ARHGAP36: variants seen among roughly 807,000 people sequenced by gnomAD.
ARHGAP36 encodes the protein rho GTPase-activating protein 36.
A neutral mutation model predicts 32.9 loss-of-function variants in ARHGAP36; 7 were observed. The observed-to-expected ratio is 0.21, with a 90% CI of 0.12 to 0.40. ARHGAP36 has a LOEUF of 0.40. Ranked by LOEUF, ARHGAP36 falls within the 10% of genes least tolerant of loss-of-function variation. The pLI, the probability that ARHGAP36 is intolerant of heterozygous loss-of-function variation, is 1.00. For missense variants in ARHGAP36, 383 were observed against 442.2 expected, an observed-to-expected ratio of 0.87 and a Z score of 1.20; for synonymous variants, 165 against 168.3, an observed-to-expected ratio of 0.98 and a Z score of 0.15.
At position 131,081,844 on chromosome X, in the gene ARHGAP36, G is replaced by C. The variant is rs763462042; in HGVS notation, c.179G>C (p.Arg60Pro). The C allele has an allele frequency of 8.3e-7, 1 of 1,212,012 alleles. No homozygotes were observed. The highest frequency in any genetic ancestry group is 3.0e-5 in the East Asian group (1 of 33,846). The change falls in exon 2 of 12, where the codon CGT (arginine) becomes CCT (proline). Residue 60 changes from arginine to proline, a missense_variant. Transcript: ENST00000276211. The part of the protein sequence containing the change: ...VSIHSLSELE[R>P]LKLQETAYHE... Reference sequence around the variant, plus strand: ...ATACACAGCCTCTCTGAGCTGGAGCGTCTGAAGCTGCAAGAGACTGCTTAC... The same window carrying C: ...ATACACAGCCTCTCTGAGCTGGAGCCTCTGAAGCTGCAAGAGACTGCTTAC...
In ARHGAP36 at chrX:131,081,694, C is replaced by G. The variant is rs1304269535; in HGVS notation, c.29C>G (p.Ala10Gly). 2 of 1,207,993 alleles carry G rather than the reference C, an allele frequency of 1.7e-6. No individual in the cohort carries two copies. Among genetic ancestry groups the G allele is most frequent in the Non-Finnish European group, 2.2e-6 (2 of 894,827 alleles). Reference protein sequence around the residue: MGGCIPFLKAARALCPRIMP... With the variant: MGGCIPFLKGARALCPRIMP... Reference sequence around the variant, plus strand: ...GGTGGCTGCATTCCTTTTCTGAAGGCAGCAAGGGCACTGTGCCCCAGAATC... The same window carrying G: ...GGTGGCTGCATTCCTTTTCTGAAGGGAGCAAGGGCACTGTGCCCCAGAATC... Residue 10 changes from alanine to glycine, a missense_variant, in exon 2 of 12, where the codon GCA becomes GGA. Physicochemically the swap from Ala to Gly is moderately conservative, Grantham distance 60. Coordinates refer to ENST00000276211, the MANE Select transcript of ARHGAP36 (RefSeq NM_144967.4).
intron 1 of ARHGAP36, among the ~76,000 whole-genome samples, chrX:131,071,082 G>A (rs763970363): frequency 9.0e-6 from 1 of 111,075 alleles, no homozygotes; most frequent in Non-Finnish European, 1.9e-5. Flanking sequence ...GGTGCTGGTT[G>A]CAGGATGCTG....
intron 11 of ARHGAP36, among the ~76,000 whole-genome samples, chrX:131,087,621 GC>G (rs2079842314): frequency 8.9e-6 from 1 of 111,831 alleles, no homozygotes; most frequent in East Asian, 2.8e-4. Context: ...GGAATTGCAG[GC>G]CCTGAAGAGG....
chrX:131,075,243 C>T (rs1254983702), intron 1 of ARHGAP36, among the ~76,000 whole-genome samples: 1 of 111,959 alleles, frequency 8.9e-6, no homozygotes, highest in Non-Finnish European at 1.9e-5. Flanking sequence ...CACAGCCACA[C>T]TTAATAGGTA....
Position 131,086,625 on chromosome X carries a change from C to T in ARHGAP36, c.1446C>T (p.Ala482=). Residue 482 remains alanine (A), a synonymous_variant, in exon 11 of 12, where the codon GCC becomes GCT. Transcript: ENST00000276211. The part of the protein sequence containing the change: ...LSDPVETSAE[A]RAAVLAQSKP... Reference sequence around the variant, plus strand: ...ATCCAGTGGAAACCTCTGCTGAAGCCCGGGCTGCTGTCCTTGCTCAAAGCA... The same window carrying T: ...ATCCAGTGGAAACCTCTGCTGAAGCTCGGGCTGCTGTCCTTGCTCAAAGCA... The T allele has an allele frequency of 1.7e-6, 2 of 1,211,904 alleles. No individual in the cohort carries two copies. The highest frequency in any genetic ancestry group is 2.2e-6 in the Non-Finnish European group (2 of 895,552).
chrX:131,083,214 G>C lies in ARHGAP36; in HGVS notation c.303G>C (p.Leu101Phe), dbSNP rs1458960784. 2 of 1,211,032 alleles carry C rather than the reference G, an allele frequency of 1.7e-6. No individual in the cohort carries two copies. Among genetic ancestry groups the C allele is most frequent in the Admixed American group, 4.3e-5 (2 of 46,058 alleles). The change falls in exon 3 of 12, where the codon TTG (leucine) becomes TTC (phenylalanine). Residue 101 changes from leucine (L) to phenylalanine (F), a missense_variant. Physicochemically the swap from Leu to Phe is conservative, Grantham distance 22. Transcript: ENST00000276211. ...CCTTGGATAAGTGGTTTCTGATTTT[G>C]AGAGGACAGCAGAGGGGTGAGGGGG... ...PNTLDKWFLI[L>F]RGQQRAVSHK...
rs1190352141 is a variant in ARHGAP36, at chrX:131,070,146, G to A, written c.-142-11378G>A. Reference sequence around the variant, plus strand: ...AAAGAGTTATTCCATTGGACAAAGAGTTATTCCATTCCTCCTCAAAGCCCT... The same window carrying A: ...AAAGAGTTATTCCATTGGACAAAGAATTATTCCATTCCTCCTCAAAGCCCT... On this transcript the variant is annotated intron_variant, in intron 1 of 11. Coordinates refer to ENST00000276211, the MANE Select transcript of ARHGAP36 (RefSeq NM_144967.4). Among the ~76,000 whole-genome samples the A allele has an allele frequency of 3.6e-5, 4 of 112,466 alleles. No individual in the cohort carries two copies. In the East Asian group the frequency reaches 1.1e-3, roughly 31 times the overall value.
At chrX:131,083,071 C>G (rs1468541924) in intron 2 of ARHGAP36, 94 bp from the exon 3 acceptor site, 40 of 917,117 alleles carry the variant, frequency 4.4e-5, no homozygotes, top group Non-Finnish European at 5.9e-5. Flanking sequence ...CTCTGCCGCT[C>G]CCTCCCCCTG....
intron 1 of ARHGAP36, among the ~76,000 whole-genome samples, chrX:131,061,809 G>T (rs1054595600): frequency 2.7e-5 from 3 of 112,092 alleles, no homozygotes; most frequent in Non-Finnish European, 5.6e-5. Context: ...AAAATGTGAT[G>T]CTCTAGAGCT....
intron 1 of ARHGAP36, among the ~76,000 whole-genome samples, chrX:131,065,645 T>C (rs2079694249): frequency 9.0e-6 from 1 of 111,155 alleles, no homozygotes; most frequent in African/African-American, 3.3e-5. Context: ...CCTGCCTGAG[T>C]AAGACTGACG....
chrX:131,081,577 C>T lies in ARHGAP36; in HGVS notation c.-89C>T. The T allele has an allele frequency of 1.9e-6, 2 of 1,055,869 alleles. No individual in the cohort carries two copies. Among genetic ancestry groups the T allele is most frequent in the Non-Finnish European group, 2.5e-6 (2 of 806,208 alleles). 87.0% of individuals were successfully genotyped at this position (1,055,869 alleles called of 1,213,427 possible). ...AGGGTGAAGCCGCCTCCCAGTTTTCCCTCCCCCTCTACCCCCACCCCCATA... is the reference window on the plus strand; with the variant it reads ...AGGGTGAAGCCGCCTCCCAGTTTTCTCTCCCCCTCTACCCCCACCCCCATA... On this transcript the variant is annotated 5_prime_UTR_variant, in exon 2 of 12. Transcript: ENST00000276211.
At chrX:131,087,184 G>T (rs2079839998) in intron 11 of ARHGAP36, among the ~76,000 whole-genome samples, 2 of 111,516 alleles carry the variant, frequency 1.8e-5, no homozygotes, top group African/African-American at 6.5e-5. Context: ...TCCCTATCTT[G>T]ATGTAATCCC....
chrX:131,082,379 G>C (rs1043462621), intron 2 of ARHGAP36, among the ~76,000 whole-genome samples: 2 of 112,837 alleles, frequency 1.8e-5, no homozygotes, highest in African/African-American at 3.2e-5. Flanking sequence ...GGCGGTGAAC[G>C]GGAGGGCGGT....
chrX:131,081,819 A>G lies in ARHGAP36; in HGVS notation c.154A>G (p.Ile52Val), dbSNP rs886953744. Reference sequence around the variant, plus strand: ...CGACCGCAGGACGAAGATGGTATCGATACACAGCCTCTCTGAGCTGGAGCG... The same window carrying G: ...CGACCGCAGGACGAAGATGGTATCGGTACACAGCCTCTCTGAGCTGGAGCG... ...NPDRRTKMVS[I>V]HSLSELERLK... is the part of the protein sequence containing the mutation. Residue 52 changes from isoleucine to valine, a missense_variant, in exon 2 of 12, where the codon ATA (isoleucine) becomes GTA (valine). Transcript: ENST00000276211. 8 of 1,210,578 alleles carry G rather than the reference A, an allele frequency of 6.6e-6. No individual in the cohort carries two copies. The highest frequency in any genetic ancestry group is 1.7e-5 in the African/African-American group (1 of 57,258).
intron 1 of ARHGAP36, among the ~76,000 whole-genome samples, chrX:131,080,510 T>C (rs1470366364): frequency 9.0e-6 from 1 of 111,616 alleles, no homozygotes; most frequent in Admixed American, 9.5e-5. Flanking sequence ...AATGAATGAG[T>C]GAACAAATGA....
intron 4 of ARHGAP36, 44 bp downstream of exon 4, chrX:131,084,013 G>A (rs1181650912): frequency 8.5e-7 from 1 of 1,171,224 alleles, no homozygotes. Context: ...CTCTCCTGAG[G>A]TATGCAGGAA....
intron 1 of ARHGAP36, among the ~76,000 whole-genome samples, chrX:131,080,051 AC>A (rs754164308): frequency 3.6e-5 from 4 of 111,429 alleles, no homozygotes; most frequent in Non-Finnish European, 7.5e-5. Context: ...CCAAGGTGCA[AC>A]CCTGAATCTT....
chrX:131,080,274 A>C, intron 1 of ARHGAP36, among the ~76,000 whole-genome samples: 1 of 111,187 alleles, frequency 9.0e-6, no homozygotes, highest in South Asian at 3.9e-4. Context: ...GTCTCCAGGC[A>C]GATTTAGCTG....
At chrX:131,058,539 C>A in intron 1 of ARHGAP36, 95 bp downstream of exon 1, 1 of 771,665 alleles carries the variant, frequency 1.3e-6, no homozygotes, top group Non-Finnish European at 1.7e-6. Flanking sequence ...CTTGGCTGGT[C>A]GCCCCCTTGC....
Sources: allele counts gnomAD v4.1 joint callset (sites outside exome capture counted in the v4.1 genomes callset), GRCh38; gene constraint gnomAD v4.1.1; transcripts MANE v1.5; gene names NCBI Gene and HGNC (gene_info 2026-07-23, HGNC 2026-07-21).